SCNN1A: variants seen among roughly 807,000 people sequenced by gnomAD.
SCNN1A encodes the protein epithelial sodium channel subunit alpha.
A neutral mutation model predicts 68.6 loss-of-function variants in SCNN1A; 65 were observed. That is an observed-to-expected ratio of 0.95 (90% CI 0.78 to 1.16). The LOEUF (loss-of-function observed/expected upper bound fraction) is 1.16, where lower values mean the gene tolerates loss of function less well. SCNN1A is among the 50% of genes most tolerant of loss of function. The pLI is 0.00. For missense variants in SCNN1A, 880 were observed against 865.9 expected (o/e 1.02, Z -0.20); for synonymous variants, 357 against 353.3 (o/e 1.01, Z -0.12).
rs758242407 is a variant in SCNN1A at position 6,349,309 on chromosome 12, G to A, written c.1439+18C>T. ...CCTGTATTCTACCCAACCTGTACCCGGGGAAGGGGACACTAACCTGCATGG... is the reference window on the plus strand; with the variant it reads ...CCTGTATTCTACCCAACCTGTACCCAGGGAAGGGGACACTAACCTGCATGG... On this transcript the variant is annotated intron_variant, in intron 9 of 12. Transcript: ENST00000228916. 4.7e-5 allele frequency: 76 copies of A among 1,612,912 alleles called. No individual in the cohort carries two copies. Among genetic ancestry groups the A allele is most frequent in the Admixed American group, 6.7e-5 (4 of 59,954 alleles).
At chr12:6,365,719 G>A (rs897016908) in intron 2 of SCNN1A, among the ~76,000 whole-genome samples, 5 of 152,182 alleles carry the variant, frequency 3.3e-5, no homozygotes, top group African/African-American at 7.2e-5. Context: ...GGATCATAAC[G>A]TAAACATGAA....
chr12:6,375,289 C>T lies in SCNN1A; in HGVS notation c.-55+216G>A. ...TCCTCTCTCTAATCCTGCCTCTCTT[C>T]CTCTCCCCCCCTTGCCTTGCCCCCT... On this transcript the variant is annotated intron_variant, in intron 1 of 12. Transcript: ENST00000228916. 2.8e-6 allele frequency: 4 copies of T among 1,438,946 alleles called. No individual in the cohort carries two copies. In the South Asian group the frequency reaches 6.0e-5, roughly 21 times the overall value. The allele number at this position is 1,438,946 out of a possible 1,614,324, so 89.1% of individuals were successfully genotyped here.
chr12:6,376,223 G>T (rs1022529653), upstream of SCNN1A: 2 of 981,412 alleles, frequency 2.0e-6, no homozygotes, highest in South Asian at 9.4e-5. Context: ...CCTCCTCCTG[G>T]TCCCTCCTCT....
At chr12:6,363,816 G>A (rs1351985912) in intron 2 of SCNN1A, 106 bp from the exon 3 acceptor site, 67 of 1,143,660 alleles carry the variant, frequency 5.9e-5, no homozygotes, top group Non-Finnish European at 2.8e-5. Context: ...GGTCCATCCC[G>A]GAGAAGCCTG....
chr12:6,375,234 T>C, intron 1 of SCNN1A: 1 of 1,437,624 alleles, frequency 7.0e-7, no homozygotes, highest in Non-Finnish European at 9.1e-7. Context: ...TCTCTTTGGG[T>C]CTCTCCTGCT....
intron 2 of SCNN1A, among the ~76,000 whole-genome samples, chr12:6,369,133 C>G (rs558720784): frequency 5.3e-5 from 8 of 152,184 alleles, no homozygotes; most frequent in African/African-American, 1.4e-4. Context: ...TGGCTCAAGT[C>G]CCTTCTGCCT....
In SCNN1A at chr12:6,374,917, A is replaced by G; in HGVS notation, c.-54-80T>C. 1 of 1,607,402 alleles carries G rather than the reference A, an allele frequency of 6.2e-7. No individual in the cohort carries two copies. The highest frequency in any genetic ancestry group is 8.5e-7 in the Non-Finnish European group (1 of 1,176,742). On this transcript the variant is annotated intron_variant, in intron 1 of 12. Transcript: ENST00000228916. This position sits in a 1 kb window ranked among gnomAD's most constrained non-coding sequence, Gnocchi z 6.2. Reference sequence around the variant, plus strand: ...CTCTGGGCCCTGAGTGCCCTCTCCCATCACCCCTGGAACCCGAGTGAGGCT... The same window carrying G: ...CTCTGGGCCCTGAGTGCCCTCTCCCGTCACCCCTGGAACCCGAGTGAGGCT...
chr12:6,354,927 T>C, intron 6 of SCNN1A, 79 bp from the exon 7 acceptor site: 4 of 1,181,840 alleles, frequency 3.4e-6, no homozygotes, highest in Non-Finnish European at 5.1e-6. Flanking sequence ...AGTTCCAGGT[T>C]GTATCTCACA....
Position 6,347,145 on chromosome 12 carries a change from A to G in SCNN1A, c.*728T>C, listed in dbSNP as rs566231983. ...GTCTGAGCAGGGTTCTAAGGGATGC[A>G]TAGGAGTTCTCTGGCAGATGGTTGG... On this transcript the variant is annotated 3_prime_UTR_variant, in exon 13 of 13. Coordinates refer to ENST00000228916, the MANE Select transcript of SCNN1A (RefSeq NM_001038.6). 1.3e-5 allele frequency: 2 copies of G among 152,790 alleles called. No individual in the cohort carries two copies. The highest frequency in any genetic ancestry group is 4.8e-5 in the African/African-American group (2 of 41,582). The allele number at this position is 152,790 out of a possible 1,614,324, so 9.5% of individuals were successfully genotyped here.
At chr12:6,377,063 C>T (rs1379388987), upstream of SCNN1A, 137 of 542,566 alleles carry the variant, frequency 2.5e-4, 1 homozygote, top group East Asian at 4.2e-3. Flanking sequence ...GGAAGCCTTC[C>T]CAGAGAAGGT....
chr12:6,365,237 C>G (rs570740328), intron 2 of SCNN1A, among the ~76,000 whole-genome samples: 3 of 152,006 alleles, frequency 2.0e-5, no homozygotes, highest in Non-Finnish European at 2.9e-5. Context: ...AGGCTGGACT[C>G]CAACTCCTGA....
chr12:6,348,369 T>TCCTCTCAG, intron 12 of SCNN1A, 116 bp from the exon 13 acceptor site: 1 of 1,566,960 alleles, frequency 6.4e-7, no homozygotes, highest in South Asian at 1.2e-5. Context: ...GACCCCCGAG[T>TCCTCTCAG]CCTCTCAGCC....
intron 6 of SCNN1A, 72 bp from the exon 7 acceptor site, chr12:6,354,920 T>G: frequency 1.6e-6 from 2 of 1,284,710 alleles, no homozygotes; most frequent in Non-Finnish European, 2.3e-6. Context: ...TTCCCTCAGT[T>G]CCAGGTTGTA....
intron 8 of SCNN1A, among the ~76,000 whole-genome samples, chr12:6,353,555 C>T (rs1005154071): frequency 5.9e-5 from 9 of 151,776 alleles, no homozygotes; most frequent in African/African-American, 1.9e-4. Context: ...CCTTCTGCTG[C>T]AGGTTGTTTT....
At chr12:6,371,194 T>A (rs1458442833) in intron 2 of SCNN1A, among the ~76,000 whole-genome samples, 1 of 151,918 alleles carries the variant, frequency 6.6e-6, no homozygotes, top group Non-Finnish European at 1.5e-5. Context: ...TCACTCCAGT[T>A]CCTCTAGCTC....
chr12:6,370,821 C>T (rs997429387), intron 2 of SCNN1A, among the ~76,000 whole-genome samples: 1 of 152,216 alleles, frequency 6.6e-6, no homozygotes, highest in African/African-American at 2.4e-5. Flanking sequence ...TGTGCCATTT[C>T]CAGGAAAGAA....
upstream of SCNN1A, chr12:6,377,305 A>C: frequency 6.5e-7 from 1 of 1,539,816 alleles, no homozygotes. Flanking sequence ...ATTTTTCTTC[A>C]TTGTCCTAAT....
chr12:6,355,543 A>T, intron 5 of SCNN1A, 108 bp from the exon 6 acceptor site: 1 of 1,390,856 alleles, frequency 7.2e-7, no homozygotes, highest in Non-Finnish European at 9.9e-7. Context: ...GCTGCAAGAG[A>T]AGCAAGTTCA....
intron 2 of SCNN1A, chr12:6,363,917 G>C: frequency 2.0e-5 from 8 of 405,598 alleles, no homozygotes; most frequent in East Asian, 4.3e-5. Flanking sequence ...GCCACGGCGA[G>C]CCCAGCCGGG....
Sources: gnomAD v4.1 joint callset for allele counts (sites outside exome capture counted in the v4.1 genomes callset) on GRCh38, gnomAD v4.1.1 for gene constraint, Gnocchi (gnomAD v3.1) non-coding constraint, MANE v1.5 for transcripts, NCBI Gene and HGNC (gene_info 2026-07-23, HGNC 2026-07-21) for gene names.